The following ERMP1 variants were observed in gnomAD, a reference collection of about 807,000 sequenced individuals.
ERMP1 encodes endoplasmic reticulum metallopeptidase 1.
A neutral mutation model predicts 92.0 loss-of-function variants in ERMP1; 86 were observed. The ratio of observed to expected loss-of-function variants is 0.93; its 90% CI spans 0.79 to 1.12. The LOEUF is 1.12. Among genes scored for constraint, ERMP1 ranks in the 50% most tolerant of loss-of-function variants. The pLI is 0.00. For synonymous variants in ERMP1, 530 were observed against 412.8 expected, an observed-to-expected ratio of 1.28 and a Z score of -3.44; for missense variants, 1,342 against 1,116.3, an observed-to-expected ratio of 1.20 and a Z score of -2.88.
chr9:5,787,961 C>A (rs1162686506), intron 13 of ERMP1, among the ~76,000 whole-genome samples: 1 of 152,200 alleles, frequency 6.6e-6, no homozygotes, highest in Non-Finnish European at 1.5e-5. Context: ...CTGAATAGGA[C>A]TGCCATTATG....
At chr9:5,834,755 C>T (rs1010643886), upstream of ERMP1, among the ~76,000 whole-genome samples, 10 of 50,740 alleles carry the variant, frequency 2.0e-4, no homozygotes, top group Admixed American at 6.8e-4. Flanking sequence ...GTATGTCTGA[C>T]AATATCCCAT....
In ERMP1 at chr9:5,823,880, G is replaced by C. The variant is rs761946620; in HGVS notation, c.874+16C>G. On this transcript the variant is annotated intron_variant, in intron 4 of 14. Transcript: ENST00000339450. ...CTAGAATTGCATTAAAATATACAAC[G>C]CACAATCTCACATACCTGTTTGGAA... The C allele has an allele frequency of 5.2e-6, 8 of 1,526,934 alleles. No homozygotes were observed. The Admixed American group carries it at 1.4e-4, about 27-fold the overall frequency. 94.6% of individuals were successfully genotyped at this position (1,526,934 alleles called of 1,614,324 possible). A position where few individuals can be genotyped will look rare whatever the true frequency, so the allele number is the denominator to read the frequency against.
At chr9:5,822,176 C>G (rs1043213947) in intron 4 of ERMP1, among the ~76,000 whole-genome samples, 1 of 152,068 alleles carries the variant, frequency 6.6e-6, no homozygotes, top group Non-Finnish European at 1.5e-5. Context: ...GTCTTGAGCT[C>G]TCAAGGCAGA....
intron 6 of ERMP1, among the ~76,000 whole-genome samples, chr9:5,849,222 C>G (rs1281144212): frequency 1.3e-5 from 2 of 152,122 alleles, no homozygotes; most frequent in African/African-American, 4.8e-5. Flanking sequence ...AGGGTTTCAC[C>G]ATGTTGGCCA....
chr9:5,843,699 C>T (rs770730380), intron 6 of ERMP1, among the ~76,000 whole-genome samples: 3 of 152,208 alleles, frequency 2.0e-5, no homozygotes, highest in African/African-American at 4.8e-5. Flanking sequence ...AGTAGCAGAA[C>T]GCTTTCTGAA....
rs1325912733 is a variant in ERMP1, at chr9:5,825,087, C to G, written c.768+5G>C. 1 of 1,613,214 alleles carries G rather than the reference C, an allele frequency of 6.2e-7. No homozygotes were observed. The highest frequency in any genetic ancestry group is 8.5e-7 in the Non-Finnish European group (1 of 1,179,334). ...AGCCTGATATTTAAAACAGTAAAATCTCACTTGCAAGACATTTTCCTCAGC... is the reference window on the plus strand; with the variant it reads ...AGCCTGATATTTAAAACAGTAAAATGTCACTTGCAAGACATTTTCCTCAGC... On this transcript the variant is annotated splice_donor_5th_base_variant and intron_variant, in intron 3 of 14. Coordinates refer to ENST00000339450, the MANE Select transcript of ERMP1 (RefSeq NM_024896.3).
chr9:5,812,033 T>C lies in ERMP1; in HGVS notation c.1114+92A>G, dbSNP rs1829116193. Reference sequence around the variant, plus strand: ...TCATTCACATTGCATACTGCCTCTCTAATGCACAGGCCACAGAATATTTAC... The same window carrying C: ...TCATTCACATTGCATACTGCCTCTCCAATGCACAGGCCACAGAATATTTAC... On this transcript the variant is annotated intron_variant, in intron 6 of 14. Transcript: ENST00000339450. 2.0e-5 allele frequency: 16 copies of C among 792,102 alleles called. 1 individual carries two copies. In the South Asian group the frequency reaches 2.9e-4, roughly 14 times the overall value. The allele number at this position is 792,102 out of a possible 1,614,324, so 49.1% of individuals were successfully genotyped here. A position where few individuals can be genotyped will look rare whatever the true frequency, so the allele number is the denominator to read the frequency against.
intron 10 of ERMP1, among the ~76,000 whole-genome samples, chr9:5,804,769 C>A (rs1828806318): frequency 6.6e-6 from 1 of 151,996 alleles, no homozygotes; most frequent in African/African-American, 2.4e-5. Context: ...AGGTATCTGA[C>A]AGGCTATTTG....
At chr9:5,811,392 G>A in intron 6 of ERMP1, 69 bp from the exon 7 acceptor site, 1 of 1,121,020 alleles carries the variant, frequency 8.9e-7, no homozygotes, top group Non-Finnish European at 1.3e-6. Context: ...AACTATTTGT[G>A]ATTTACACAT....
In ERMP1 at chr9:5,812,927, G is replaced by T; in HGVS notation, c.983C>A (p.Thr328Asn). The change falls in exon 5 of 15, where the codon ACT becomes AAT. Residue 328 changes from threonine to asparagine, a missense_variant. Coordinates refer to ENST00000339450, the MANE Select transcript of ERMP1 (RefSeq NM_024896.3). ...AAAATCCCTGTAGATACGAAAGTCAGTATCTGAAGGAATGATTCCACTCTG... is the reference window on the plus strand; with the variant it reads ...AAAATCCCTGTAGATACGAAAGTCATTATCTGAAGGAATGATTCCACTCTG... ...VFQSGIIPSD[T>N]DFRIYRDFGN... The T allele has an allele frequency of 6.2e-7, 1 of 1,614,010 alleles. No individual in the cohort carries two copies. The highest frequency in any genetic ancestry group is 8.5e-7 in the Non-Finnish European group (1 of 1,179,916).
At chr9:5,835,350 A>ACACGCG (rs1830079038), upstream of ERMP1, among the ~76,000 whole-genome samples, 1 of 150,354 alleles carries the variant, frequency 6.7e-6, no homozygotes, top group Non-Finnish European at 1.5e-5. Flanking sequence ...GAGACAATGA[A>ACACGCG]CGCGCGCGCG....
At chr9:5,813,625 T>C (rs1467834993) in intron 4 of ERMP1, among the ~76,000 whole-genome samples, 1 of 152,080 alleles carries the variant, frequency 6.6e-6, no homozygotes, top group Admixed American at 6.6e-5. Context: ...CTCAAAAAGT[T>C]GTGAATTGTG....
Position 5,787,238 on chromosome 9 carries a change from TTG to T in ERMP1, c.2619_2620del (p.Asp873GlufsTer48), listed in dbSNP as rs1413385591. The stretch of plus-strand genomic sequence containing the variant: ...CAGAGCATCCAGTTGAGGGGATCTC[TTG>T]TCTTCCCCAGACAGATAGTGGGCAG... On this transcript the variant is annotated frameshift_variant, in exon 15 of 15. Coordinates refer to ENST00000339450, the MANE Select transcript of ERMP1 (RefSeq NM_024896.3). LOFTEE classifies it high-confidence loss of function. The T allele has an allele frequency of 6.2e-7, 1 of 1,612,960 alleles. No homozygotes were observed. Among genetic ancestry groups the T allele is most frequent in the East Asian group, 2.2e-5 (1 of 44,878 alleles).
chr9:5,817,333 G>C (rs903089288), intron 4 of ERMP1, among the ~76,000 whole-genome samples: 2 of 152,126 alleles, frequency 1.3e-5, no homozygotes, highest in Non-Finnish European at 2.9e-5. Context: ...GGGATTACAA[G>C]CGCCCGCCAC....
intron 6 of ERMP1, among the ~76,000 whole-genome samples, chr9:5,849,109 G>A (rs1830275634): frequency 6.6e-6 from 1 of 152,224 alleles, no homozygotes; most frequent in Non-Finnish European, 1.5e-5. Flanking sequence ...TGCAACCTCT[G>A]CCTCCTGAGT....
At chr9:5,859,212 G>A (rs1830426625) in intron 6 of ERMP1, among the ~76,000 whole-genome samples, 1 of 151,906 alleles carries the variant, frequency 6.6e-6, no homozygotes, top group African/African-American at 2.4e-5. Flanking sequence ...TTCTGAAACG[G>A]GATCTTCTCT....
chr9:5,793,426 T>TA (rs1288256273), intron 13 of ERMP1, among the ~76,000 whole-genome samples: 1 of 152,118 alleles, frequency 6.6e-6, no homozygotes, highest in Non-Finnish European at 1.5e-5. Flanking sequence ...AGTTAACTAA[T>TA]ATGGTAGCTA....
intron 6 of ERMP1, among the ~76,000 whole-genome samples, chr9:5,851,733 C>T (rs925045278): frequency 1.3e-5 from 2 of 152,218 alleles, no homozygotes; most frequent in Admixed American, 6.5e-5. Flanking sequence ...AAACTAGGTA[C>T]TGTGACTGTG....
At chr9:5,853,006 A>C (rs936030060) in intron 6 of ERMP1, among the ~76,000 whole-genome samples, 3 of 152,204 alleles carry the variant, frequency 2.0e-5, no homozygotes, top group African/African-American at 7.2e-5. Flanking sequence ...AGACAGATTA[A>C]CAGGGGAAAA....
Sources: allele counts gnomAD v4.1 joint callset (sites outside exome capture counted in the v4.1 genomes callset), GRCh38; gene constraint gnomAD v4.1.1; transcripts MANE v1.5; gene names NCBI Gene and HGNC (gene_info 2026-07-23, HGNC 2026-07-21).